WBP1L: variants seen among roughly 807,000 people sequenced by gnomAD.
WBP1L encodes WW domain binding protein 1 like.
Under a neutral mutation model 33.7 loss-of-function variants are expected in WBP1L, and 17 were observed. That is an observed-to-expected ratio of 0.50 (90% CI 0.34 to 0.76). WBP1L has a LOEUF of 0.76. Among genes scored for constraint, WBP1L ranks in the 30% least tolerant of loss-of-function variants. The pLI is 0.01. For missense variants in WBP1L, 389 were observed against 469.4 expected, an observed-to-expected ratio of 0.83 and a Z score of 1.58; for synonymous variants, 173 against 190.8, an observed-to-expected ratio of 0.91 and a Z score of 0.77.
At chr10:102,750,664 G>A (rs1842916632) in intron 1 of WBP1L, among the ~76,000 whole-genome samples, 1 of 151,868 alleles carries the variant, frequency 6.6e-6, no homozygotes. Flanking sequence ...ACCACACCTG[G>A]CTAATTTTTT....
At chr10:102,772,609 G>A (rs1474532420) in intron 1 of WBP1L, among the ~76,000 whole-genome samples, 2 of 116,772 alleles carry the variant, frequency 1.7e-5, no homozygotes, top group East Asian at 2.6e-4. Flanking sequence ...TCGTTCTGTC[G>A]CTCAGGCTGG....
chr10:102,803,766 G>A (rs889667816), intron 2 of WBP1L, among the ~76,000 whole-genome samples: 3 of 151,964 alleles, frequency 2.0e-5, no homozygotes, highest in African/African-American at 4.8e-5. Context: ...CTGCCACTAC[G>A]CCCAGCTAAT....
At chr10:102,777,568 T>C (rs1843282686) in intron 1 of WBP1L, among the ~76,000 whole-genome samples, 2 of 132,142 alleles carry the variant, frequency 1.5e-5, no homozygotes, top group Non-Finnish European at 3.2e-5. Context: ...GTCCTTTTTT[T>C]TTTTTTTTTT....
Position 102,811,256 on chromosome 10 carries a change from C to T in WBP1L, c.355+1202C>T, listed in dbSNP as rs552993526. ...GACTTGGGGTTCATTGGCCTGAATTCCTCCCATTTTGCTTATTTCTGTGTG... is the reference window on the plus strand; with the variant it reads ...GACTTGGGGTTCATTGGCCTGAATTTCTCCCATTTTGCTTATTTCTGTGTG... On this transcript the variant is annotated intron_variant, in intron 3 of 3. Transcript: ENST00000448841. Among the ~76,000 whole-genome samples the T allele has an allele frequency of 4.6e-5, 7 of 152,078 alleles. No homozygotes were observed. In the East Asian group the frequency reaches 1.4e-3, roughly 29 times the overall value.
chr10:102,781,592 G>A (rs939725360), intron 1 of WBP1L, among the ~76,000 whole-genome samples: 2 of 152,074 alleles, frequency 1.3e-5, no homozygotes, highest in African/African-American at 2.4e-5. Flanking sequence ...GCAGAGGACC[G>A]AATGTTGACT....
chr10:102,795,720 ATGTGGACACTTTGAAC>A (rs1843564310), intron 1 of WBP1L, among the ~76,000 whole-genome samples: 1 of 152,208 alleles, frequency 6.6e-6, no homozygotes, highest in Non-Finnish European at 1.5e-5. Context: ...TTTAGAAACT[ATGTGGACACTTTGAAC>A]TGTGCTCTTT....
At chr10:102,760,402 G>A (rs1843023534) in intron 1 of WBP1L, among the ~76,000 whole-genome samples, 1 of 124,510 alleles carries the variant, frequency 8.0e-6, no homozygotes, top group African/African-American at 3.3e-5. Context: ...TTGAGGTGGA[G>A]TTTTGCTCTT....
intron 2 of WBP1L, among the ~76,000 whole-genome samples, chr10:102,809,395 A>G (rs1843792439): frequency 7.1e-6 from 1 of 140,824 alleles, no homozygotes; most frequent in African/African-American, 2.7e-5. Context: ...TTTTTGAGAC[A>G]GAGTCTTGCT....
intron 1 of WBP1L, among the ~76,000 whole-genome samples, chr10:102,750,797 G>A (rs950314423): frequency 4.0e-5 from 6 of 151,872 alleles, no homozygotes; most frequent in Non-Finnish European, 5.9e-5. Context: ...CACCACGCCC[G>A]GCCCAATTTT....
At chr10:102,780,853 A>G (rs1843325875) in intron 1 of WBP1L, among the ~76,000 whole-genome samples, 1 of 152,154 alleles carries the variant, frequency 6.6e-6, no homozygotes. Flanking sequence ...GTTCTAGTTG[A>G]TGGAATGCAG....
chr10:102,789,130 T>C (rs1843460986), intron 1 of WBP1L, among the ~76,000 whole-genome samples: 1 of 152,124 alleles, frequency 6.6e-6, no homozygotes, highest in Admixed American at 6.5e-5. Context: ...TGGCTAATTT[T>C]TTAAATATTT....
At chr10:102,794,777 A>G (rs550267280) in intron 1 of WBP1L, among the ~76,000 whole-genome samples, 1 of 152,196 alleles carries the variant, frequency 6.6e-6, no homozygotes, top group African/African-American at 2.4e-5. Context: ...GTGCGAGGAG[A>G]GCTGGGGCCA....
chr10:102,811,679 G>T (rs284863), intron 3 of WBP1L, among the ~76,000 whole-genome samples: 85,903 of 151,742 alleles, frequency 0.57, 24,480 homozygotes, highest in Middle Eastern at 0.64. Flanking sequence ...CCTAGCTAAT[G>T]TTTGTATTTT....
At chr10:102,797,287 C>T (rs1843585784) in intron 1 of WBP1L, among the ~76,000 whole-genome samples, 1 of 152,172 alleles carries the variant, frequency 6.6e-6, no homozygotes, top group Non-Finnish European at 1.5e-5. Context: ...GGAAGTTTCA[C>T]AGAAAAGCCA....
chr10:102,798,293 G>C (rs958006324), intron 2 of WBP1L, among the ~76,000 whole-genome samples, 198 bp downstream of exon 2: 3 of 152,192 alleles, frequency 2.0e-5, no homozygotes, highest in African/African-American at 7.2e-5. Flanking sequence ...GTTAGCTGAA[G>C]ACTAGAGAAT....
In WBP1L at chr10:102,813,339, C is replaced by A; in HGVS notation, c.*8C>A. The A allele has an allele frequency of 6.3e-7, 1 of 1,591,756 alleles. No individual in the cohort carries two copies. ...AGCAGCTCCCCCAGCTAGAGCAGGT[C>A]CTGCCAGCACCCAGCAACTTGGCAA... On this transcript the variant is annotated 3_prime_UTR_variant, in exon 4 of 4. Transcript: ENST00000448841.
chr10:102,754,854 A>G (rs1842957063), intron 1 of WBP1L, among the ~76,000 whole-genome samples: 1 of 151,802 alleles, frequency 6.6e-6, no homozygotes, highest in African/African-American at 2.4e-5. Flanking sequence ...ACAGGCACAC[A>G]CTACAGTGTC....
chr10:102,754,731 G>T (rs1249525921), intron 1 of WBP1L, among the ~76,000 whole-genome samples: 4 of 151,972 alleles, frequency 2.6e-5, no homozygotes, highest in Admixed American at 1.3e-4. Flanking sequence ...TAGCGTCAGG[G>T]TCTCGCTATG....
chr10:102,780,583 A>G (rs995568710), intron 1 of WBP1L, among the ~76,000 whole-genome samples: 6 of 152,246 alleles, frequency 3.9e-5, no homozygotes, highest in African/African-American at 1.4e-4. Flanking sequence ...TACCCAAAGC[A>G]TGTTGTGGAT....
Sources: gnomAD v4.1 joint callset for allele counts (sites outside exome capture counted in the v4.1 genomes callset) on GRCh38, gnomAD v4.1.1 for gene constraint, MANE v1.5 for transcripts, NCBI Gene and HGNC (gene_info 2026-07-23, HGNC 2026-07-21) for gene names.